MFSD6: variants seen among roughly 807,000 people sequenced by gnomAD.
The protein encoded by MFSD6 is major facilitator superfamily domain containing 6.
MFSD6 carries 26 observed loss-of-function variants against 56.3 expected under a neutral mutation model. The observed-to-expected ratio is 0.46, with a 90% confidence interval of 0.34 to 0.64. MFSD6 has a LOEUF of 0.64. Among genes scored for constraint, MFSD6 ranks in the 30% least tolerant of loss-of-function variants. The pLI, the probability that MFSD6 is intolerant of heterozygous loss-of-function variation, is 0.01. For missense variants in MFSD6, 750 were observed against 986.2 expected, an observed-to-expected ratio of 0.76 and a Z score of 3.21; for synonymous variants, 331 against 366.9, an observed-to-expected ratio of 0.90 and a Z score of 1.12.
chr2:190,460,900 T>C (rs1339803964), intron 3 of MFSD6, among the ~76,000 whole-genome samples: 1 of 152,232 alleles, frequency 6.6e-6, no homozygotes, highest in Non-Finnish European at 1.5e-5. Context: ...GCAATTTTGA[T>C]GCAGATGTTC....
At position 190,430,359 on chromosome 2, in the gene MFSD6, G is replaced by T. The variant is rs13020324; in HGVS notation, c.-53-5618G>T. Among the ~76,000 whole-genome samples, 12 of 149,924 alleles carry T rather than the reference G, an allele frequency of 8.0e-5. 1 individual carries two copies. The highest frequency in any genetic ancestry group is 6.0e-4 in the Admixed American group (9 of 15,040). ...TAGGCAGAGGACCCTGCGGCCTTCC[G>T]CAGTGTTTGTGTCCCTGGGTACTTG... is the stretch of plus-strand genomic sequence containing the variant. On this transcript the variant is annotated intron_variant, in intron 2 of 7. Coordinates refer to ENST00000392328, the MANE Select transcript of MFSD6 (RefSeq NM_017694.4).
At position 190,501,027 on chromosome 2, in the gene MFSD6, T is replaced by C. The variant is rs958316906; in HGVS notation, c.*809T>C. 1.3e-5 allele frequency: 2 copies of C among 152,188 alleles called. No homozygotes were observed. The highest frequency in any genetic ancestry group is 4.8e-5 in the African/African-American group (2 of 41,446). 9.4% of individuals were successfully genotyped at this position (152,188 alleles called of 1,614,324 possible). A position where few individuals can be genotyped will look rare whatever the true frequency, so the allele number is the denominator to read the frequency against. On this transcript the variant is annotated 3_prime_UTR_variant, in exon 8 of 8. Transcript: ENST00000392328. ...GATAGACAAGAGTTTACTAAATATA[T>C]TGATACTGTAAATAGCCTCTCTCGC...
At position 190,487,623 on chromosome 2, in the gene MFSD6, T is replaced by C. The variant is rs1039731912; in HGVS notation, c.1631-1034T>C. 6.6e-6 allele frequency among the ~76,000 whole-genome samples: 1 copy of C among 152,174 alleles called. No individual in the cohort carries two copies. On this transcript the variant is annotated intron_variant, in intron 4 of 7. Transcript: ENST00000392328. The surrounding 1 kb of genome is among the most constrained non-coding windows in gnomAD (Gnocchi z 5.5). ...AATAAACATTTCTTCAAAGAAGATA[T>C]AGATGGCCAATAAACACCTAAAAGG...
Position 190,495,393 on chromosome 2 carries a change from G to A in MFSD6, c.1892-2046G>A, listed in dbSNP as rs1223322994. Among the ~76,000 whole-genome samples the A allele has an allele frequency of 6.6e-6, 1 of 152,160 alleles. No homozygotes were observed. The highest frequency in any genetic ancestry group is 1.5e-5 in the Non-Finnish European group (1 of 68,022). On this transcript the variant is annotated intron_variant, in intron 6 of 7. Coordinates refer to ENST00000392328, the MANE Select transcript of MFSD6 (RefSeq NM_017694.4). This position sits in a 1 kb window ranked among gnomAD's most constrained non-coding sequence, Gnocchi z 4.7. ...CATATCCCATGCTCATGGATGGGTA[G>A]AATCAATATTGTGAAAATGACCATA...
Position 190,499,915 on chromosome 2 carries a change from TG to T in MFSD6, c.2173-99del. 1 of 1,583,006 alleles carries T rather than the reference TG, an allele frequency of 6.3e-7. No homozygotes were observed. Among genetic ancestry groups the T allele is most frequent in the Non-Finnish European group, 8.6e-7 (1 of 1,160,540 alleles). On this transcript the variant is annotated intron_variant, in intron 7 of 7. Transcript: ENST00000392328. This position sits in a 1 kb window ranked among gnomAD's most constrained non-coding sequence, Gnocchi z 6.0. Reference sequence around the variant, plus strand: ...GGTCCCTGAAATGGGCACTTCCGGATGATCTCCCCATGTTTCCTGTCTTACT... The same window carrying T: ...GGTCCCTGAAATGGGCACTTCCGGATATCTCCCCATGTTTCCTGTCTTACT...
intron 2 of MFSD6, among the ~76,000 whole-genome samples, chr2:190,430,844 C>A: frequency 6.8e-6 from 1 of 146,194 alleles, no homozygotes; most frequent in Non-Finnish European, 1.5e-5. Context: ...CGGGCGGGGG[C>A]TGACCCCCCA....
rs558752313 is a variant in MFSD6 at position 190,438,419 on chromosome 2, C to T, written c.1532+858C>T. 2.0e-5 allele frequency among the ~76,000 whole-genome samples: 3 copies of T among 152,154 alleles called. No homozygotes were observed. Among genetic ancestry groups the T allele is most frequent in the Admixed American group, 6.5e-5 (1 of 15,282 alleles). On this transcript the variant is annotated intron_variant, in intron 3 of 7. Coordinates refer to ENST00000392328, the MANE Select transcript of MFSD6 (RefSeq NM_017694.4). The surrounding 1 kb of genome is among the most constrained non-coding windows in gnomAD (Gnocchi z 5.2). ...TAGTCCCAGCTACTCGGGAGGCTGA[C>T]GCACAAGAATCACTTGAACCCAGGA...
chr2:190,483,835 C>G (rs371816339), intron 4 of MFSD6, among the ~76,000 whole-genome samples: 3 of 86,660 alleles, frequency 3.5e-5, no homozygotes, highest in Non-Finnish European at 4.8e-5. Context: ...AACTCATTTT[C>G]AAAAAAAAAA....
At chr2:190,427,449 G>A (rs942198788) in intron 2 of MFSD6, among the ~76,000 whole-genome samples, 14 of 152,206 alleles carry the variant, frequency 9.2e-5, no homozygotes, top group African/African-American at 2.9e-4. Context: ...TTTCTAGACT[G>A]CCCCTTTCCT....
chr2:190,477,766 G>A (rs1318431870), intron 4 of MFSD6, among the ~76,000 whole-genome samples: 1 of 152,190 alleles, frequency 6.6e-6, no homozygotes, highest in Non-Finnish European at 1.5e-5. Flanking sequence ...TGGAATCATA[G>A]AAAAATGTGC....
chr2:190,495,446 G>A lies in MFSD6; in HGVS notation c.1892-1993G>A, dbSNP rs987861413. 1.1e-4 allele frequency among the ~76,000 whole-genome samples: 17 copies of A among 152,082 alleles called. No individual in the cohort carries two copies. The highest frequency in any genetic ancestry group is 2.1e-4 in the Non-Finnish European group (14 of 67,998). ...GCTAAAAGCAATCTACAAATTCAAT[G>A]CAATTCCCATCAAATACCACCATCA... On this transcript the variant is annotated intron_variant, in intron 6 of 7. Coordinates refer to ENST00000392328, the MANE Select transcript of MFSD6 (RefSeq NM_017694.4). This position sits in a 1 kb window ranked among gnomAD's most constrained non-coding sequence, Gnocchi z 4.7.
At position 190,497,673 on chromosome 2, in the gene MFSD6, T is replaced by C. The variant is rs938658649; in HGVS notation, c.2126T>C (p.Met709Thr). The stretch of plus-strand genomic sequence containing the variant: ...GCACTCTACCAAATTAAAGAGATGA[T>C]GCAACTCACAAGAGACAACCGTGCT... ...VYALYQIKEM[M>T]QLTRDNRASE... Residue 709 changes from methionine (M) to threonine (T), a missense_variant, in exon 7 of 8, where the codon ATG becomes ACG. This residue lies in a region of MFSD6 where 172 missense variants were observed against 203.9 expected (regional missense o/e 0.84). Transcript: ENST00000392328. This position sits in a 1 kb window ranked among gnomAD's most constrained non-coding sequence, Gnocchi z 5.2. 1 of 1,614,186 alleles carries C rather than the reference T, an allele frequency of 6.2e-7. No homozygotes were observed. Among genetic ancestry groups the C allele is most frequent in the South Asian group, 1.1e-5 (1 of 91,086 alleles).
rs752868878 is a variant in MFSD6 at position 190,424,672 on chromosome 2, C to T, written c.-54+9259C>T. 2.2e-4 allele frequency among the ~76,000 whole-genome samples: 33 copies of T among 152,258 alleles called. No homozygotes were observed. Among genetic ancestry groups the T allele is most frequent in the Middle Eastern group, 6.8e-3 (2 of 294 alleles). On this transcript the variant is annotated intron_variant, in intron 2 of 7. Coordinates refer to ENST00000392328, the MANE Select transcript of MFSD6 (RefSeq NM_017694.4). This position sits in a 1 kb window ranked among gnomAD's most constrained non-coding sequence, Gnocchi z 5.9. ...TTTGCCCATGGATGTCTAATTACCT[C>T]AGCACCATTTGTTGAAAGGTTACCT...
intron 2 of MFSD6, chr2:190,435,772 A>G: frequency 2.6e-6 from 1 of 391,284 alleles, no homozygotes; most frequent in Non-Finnish European, 4.5e-6. Context: ...GTAATTAGTC[A>G]GTCAGTGGCC....
rs937487897 is a variant in MFSD6, at chr2:190,437,553, C to A, written c.1524C>A (p.Gly508=). Residue 508 remains glycine, a synonymous_variant, in exon 3 of 8, where the codon GGC becomes GGA. Transcript: ENST00000392328. The surrounding 1 kb of genome is among the most constrained non-coding windows in gnomAD (Gnocchi z 5.9). ...GTCACAAGCTTATTGAATTGATCGGCCACATCAGGTAAGAACATGCTTACG... is the reference window on the plus strand; with the variant it reads ...GTCACAAGCTTATTGAATTGATCGGACACATCAGGTAAGAACATGCTTACG... ...FFSHKLIELI[G]HIRVLYIGLA... The A allele has an allele frequency of 6.2e-6, 10 of 1,612,720 alleles. No individual in the cohort carries two copies. The highest frequency in any genetic ancestry group is 8.5e-6 in the Non-Finnish European group (10 of 1,179,090).
Position 190,497,714 on chromosome 2 carries a change from T to G in MFSD6, c.2167T>G (p.Leu723Val), listed in dbSNP as rs756411489. The change falls in exon 7 of 8, where the codon TTA becomes GTA. Residue 723 changes from leucine (L) to valine (V), a missense_variant. Coordinates refer to ENST00000392328, the MANE Select transcript of MFSD6 (RefSeq NM_017694.4). This position sits in a 1 kb window ranked among gnomAD's most constrained non-coding sequence, Gnocchi z 5.2. ...CAACCGTGCTTCTGAGATACAGCCT[T>G]TACAGGTACAGTTCCTTTGCTGGGC... ...RDNRASEIQPLQGTNENRENS... is the reference protein window; with the variant it reads ...RDNRASEIQPVQGTNENRENS... 6.2e-7 allele frequency: 1 copy of G among 1,612,640 alleles called. No individual in the cohort carries two copies. The highest frequency in any genetic ancestry group is 1.1e-5 in the South Asian group (1 of 91,000).
At chr2:190,453,055 T>C (rs1317782415) in intron 3 of MFSD6, among the ~76,000 whole-genome samples, 1 of 152,150 alleles carries the variant, frequency 6.6e-6, no homozygotes, top group Non-Finnish European at 1.5e-5. Context: ...GGAGCTCATG[T>C]TCTGTTGGAG....
rs953942001 is a variant in MFSD6 at position 190,485,638 on chromosome 2, G to A, written c.1631-3019G>A. On this transcript the variant is annotated intron_variant, in intron 4 of 7. Coordinates refer to ENST00000392328, the MANE Select transcript of MFSD6 (RefSeq NM_017694.4). The surrounding 1 kb of genome is among the most constrained non-coding windows in gnomAD (Gnocchi z 5.1). Reference sequence around the variant, plus strand: ...AATTATTCCCATTAGGTACTATGGTGTCAACACTCATAATTAAGACTATCC... The same window carrying A: ...AATTATTCCCATTAGGTACTATGGTATCAACACTCATAATTAAGACTATCC... Among the ~76,000 whole-genome samples the A allele has an allele frequency of 6.6e-6, 1 of 152,058 alleles. No homozygotes were observed. The highest frequency in any genetic ancestry group is 2.4e-5 in the African/African-American group (1 of 41,412).
At position 190,487,112 on chromosome 2, in the gene MFSD6, G is replaced by A. The variant is rs1012160881; in HGVS notation, c.1631-1545G>A. 1.3e-5 allele frequency among the ~76,000 whole-genome samples: 2 copies of A among 152,172 alleles called. No individual in the cohort carries two copies. Among genetic ancestry groups the A allele is most frequent in the Admixed American group, 1.3e-4 (2 of 15,274 alleles). On this transcript the variant is annotated intron_variant, in intron 4 of 7. Transcript: ENST00000392328. The surrounding 1 kb of genome is among the most constrained non-coding windows in gnomAD (Gnocchi z 5.5). The stretch of plus-strand genomic sequence containing the variant: ...AATCCCAGCACTTTGAGAGGCTGAG[G>A]CAGGTGGATCACGAGGTCAAGAGAT...
Sources: allele counts gnomAD v4.1 joint callset (sites outside exome capture counted in the v4.1 genomes callset), GRCh38; gene constraint gnomAD v4.1.1; regional missense constraint gnomAD v4.1.1; non-coding constraint Gnocchi (gnomAD v3.1); transcripts MANE v1.5; gene names NCBI Gene and HGNC (gene_info 2026-07-23, HGNC 2026-07-21).